Variants in UVSSA observed in about 807,000 individuals in gnomAD.
UVSSA encodes UV-stimulated scaffold protein A.
UVSSA carries 72 observed loss-of-function variants against 73.9 expected under a neutral mutation model. That is an observed-to-expected ratio of 0.97 (90% confidence interval 0.81 to 1.19). UVSSA has a LOEUF of 1.19. Ranked by LOEUF, UVSSA falls within the 50% of genes most tolerant of loss-of-function variation. The pLI is 0.00. For synonymous variants in UVSSA, 454 were observed against 391.3 expected, an observed-to-expected ratio of 1.16 and a Z score of -1.89; for missense variants, 1,150 against 965.0, an observed-to-expected ratio of 1.19 and a Z score of -2.54.
chr4:1,375,246 G>A (rs1215972860), intron 8 of UVSSA, 118 bp from the exon 9 acceptor site: 1 of 1,507,462 alleles, frequency 6.6e-7, no homozygotes, highest in Non-Finnish European at 9.0e-7. Flanking sequence ...ACCCACCTCG[G>A]GACTGTTGGA....
intron 7 of UVSSA, among the ~76,000 whole-genome samples, chr4:1,361,526 T>A (rs1716624506): frequency 6.6e-6 from 1 of 152,256 alleles, no homozygotes; most frequent in Non-Finnish European, 1.5e-5. Context: ...GTCCAGCAGG[T>A]TCTGCTCGGC....
chr4:1,348,728 T>C (rs1379178758), intron 2 of UVSSA, among the ~76,000 whole-genome samples: 1 of 152,162 alleles, frequency 6.6e-6, no homozygotes, highest in East Asian at 1.9e-4. Flanking sequence ...GTTTGTAAAA[T>C]GGCAGTTTAT....
chr4:1,395,105 G>T, exon 14 of UVSSA: 1 of 1,316,012 alleles, frequency 7.6e-7, no homozygotes, highest in Non-Finnish European at 1.1e-6. Context: ...TGGAGTGCTC[G>T]CCTGCTCACA....
At chr4:1,367,223 T>A (rs7688922) in intron 8 of UVSSA, among the ~76,000 whole-genome samples, 14 of 151,994 alleles carry the variant, frequency 9.2e-5, no homozygotes, top group Non-Finnish European at 2.1e-4. Flanking sequence ...CTCCCAAAAC[T>A]GCGTTCCAGT....
At chr4:1,360,126 C>G (rs904061075) in intron 7 of UVSSA, among the ~76,000 whole-genome samples, 3 of 152,246 alleles carry the variant, frequency 2.0e-5, no homozygotes, top group African/African-American at 7.2e-5. Context: ...GCCCCTCCAT[C>G]ACGCCGAAGG....
chr4:1,349,486 G>A (rs766347767), intron 2 of UVSSA, 38 bp from the exon 3 acceptor site: 13 of 1,590,960 alleles, frequency 8.2e-6, no homozygotes, highest in Middle Eastern at 2.0e-4. Flanking sequence ...CATCCTCTGC[G>A]TGTGGGGCAG....
chr4:1,384,348 C>T lies in UVSSA; in HGVS notation c.2036+408C>T, dbSNP rs374439042. Reference sequence around the variant, plus strand: ...TCAGGGAGGGCGATGACTGCAAAGGCGGGCAGAACGGGGGTCCACGCGTCA... The same window carrying T: ...TCAGGGAGGGCGATGACTGCAAAGGTGGGCAGAACGGGGGTCCACGCGTCA... On this transcript the variant is annotated intron_variant, in intron 13 of 13. Coordinates refer to ENST00000389851, the MANE Select transcript of UVSSA (RefSeq NM_020894.4). The T allele has an allele frequency of 2.4e-4, 48 of 196,664 alleles. 3 individuals are homozygous for T. The South Asian group carries it at 2.9e-3, about 12-fold the overall frequency. The allele number at this position is 196,664 out of a possible 1,614,324, so 12.2% of individuals were successfully genotyped here. A position where few individuals can be genotyped will look rare whatever the true frequency, so the allele number is the denominator to read the frequency against.
Position 1,386,039 on chromosome 4 carries a change from C to T in UVSSA, c.*78C>T. The T allele has an allele frequency of 6.9e-7, 1 of 1,438,880 alleles. No individual in the cohort carries two copies. Among genetic ancestry groups the T allele is most frequent in the Non-Finnish European group, 9.8e-7 (1 of 1,022,892 alleles). The allele number at this position is 1,438,880 out of a possible 1,614,324, so 89.1% of individuals were successfully genotyped here. A position where few individuals can be genotyped will look rare whatever the true frequency, so the allele number is the denominator to read the frequency against. On this transcript the variant is annotated 3_prime_UTR_variant, in exon 14 of 14. Transcript: ENST00000389851. ...TCAGGACAGCAGAGTGGGCGTGGGT[C>T]TGGGCAGTAACCATGCTTTGTCTAT...
chr4:1,380,896 A>C lies in UVSSA; in HGVS notation c.1769A>C (p.Lys590Thr), dbSNP rs780061895. 3.0e-5 allele frequency: 48 copies of C among 1,612,860 alleles called. No homozygotes were observed. The Middle Eastern group carries it at 6.6e-4, about 22-fold the overall frequency. ...QDRLKCPFHG[K>T]IVPRDDEGRP... ...GCTGTGCAGTGCCCTTTCCATGGGA[A>C]GATTGTTCCACGGGACGACGAAGGA... Residue 590 changes from lysine (K) to threonine (T), a missense_variant, in exon 12 of 14, where the codon AAG becomes ACG. Coordinates refer to ENST00000389851, the MANE Select transcript of UVSSA (RefSeq NM_020894.4).
intron 7 of UVSSA, among the ~76,000 whole-genome samples, chr4:1,365,868 CAG>C (rs902848214): frequency 4.6e-5 from 7 of 151,690 alleles, no homozygotes; most frequent in African/African-American, 1.2e-4. Context: ...CCCTAAGCCT[CAG>C]GGGCACCGCA....
Position 1,383,802 on chromosome 4 carries a change from C to A in UVSSA, c.1898C>A (p.Ala633Glu), listed in dbSNP as rs1245243751. The part of the protein sequence containing the change: ...QDPELMRDVE[A>E]ATGQDLGSSR... ...CCTGAGTTGATGAGAGACGTGGAAG[C>A]AGCCACAGGGCAGGATCTCGGCTCA... The change falls in exon 13 of 14, where the codon GCA (alanine) becomes GAA (glutamate). Residue 633 changes from alanine to glutamate, a missense_variant. Coordinates refer to ENST00000389851, the MANE Select transcript of UVSSA (RefSeq NM_020894.4). The A allele has an allele frequency of 3.1e-6, 5 of 1,613,528 alleles. No homozygotes were observed. The highest frequency in any genetic ancestry group is 4.2e-6 in the Non-Finnish European group (5 of 1,180,020).
intron 8 of UVSSA, among the ~76,000 whole-genome samples, chr4:1,370,113 T>C (rs935153387): frequency 2.6e-5 from 4 of 152,260 alleles, no homozygotes; most frequent in African/African-American, 9.6e-5. Context: ...CCCATCTTTT[T>C]AATGGTTTAA....
chr4:1,372,994 C>A (rs1218711426), intron 8 of UVSSA, among the ~76,000 whole-genome samples: 1 of 152,110 alleles, frequency 6.6e-6, no homozygotes, highest in Admixed American at 6.6e-5. Flanking sequence ...CAAAGCGGAC[C>A]TCACCATGGC....
chr4:1,356,336 G>T (rs1057502664), intron 7 of UVSSA, among the ~76,000 whole-genome samples: 3 of 152,140 alleles, frequency 2.0e-5, no homozygotes, highest in Non-Finnish European at 4.4e-5. Flanking sequence ...TTTTCCCCAG[G>T]TCAGTGGCCC....
chr4:1,347,025 AG>A (rs1214221582), upstream of UVSSA, among the ~76,000 whole-genome samples: 7 of 152,052 alleles, frequency 4.6e-5, no homozygotes, highest in South Asian at 2.1e-4. Flanking sequence ...GGCACGTGCT[AG>A]GGGGCGGGGC....
chr4:1,394,435 GT>G, exon 14 of UVSSA: 1 of 1,600,758 alleles, frequency 6.2e-7, no homozygotes, highest in Non-Finnish European at 8.5e-7. Flanking sequence ...TCTACTTCTA[GT>G]TTTTGATACA....
chr4:1,354,605 G>A (rs938467224), intron 5 of UVSSA, 130 bp from the exon 6 acceptor site: 56 of 707,372 alleles, frequency 7.9e-5, no homozygotes, highest in Middle Eastern at 3.3e-4. Context: ...TGGGATTCCC[G>A]GGGGCAGGCA....
At chr4:1,347,799 G>A in intron 1 of UVSSA, 39 bp downstream of exon 1, 1 of 339,732 alleles carries the variant, frequency 2.9e-6, no homozygotes, top group Non-Finnish European at 5.5e-6. Context: ...TTGGGGAAAA[G>A]CTGATTCGGA....
At chr4:1,394,840 G>GC (rs779440264) in exon 14 of UVSSA, 1 of 1,593,864 alleles carries the variant, frequency 6.3e-7, no homozygotes. Context: ...CTGCTCACGT[G>GC]CCCATGTGGA....
Sources: allele counts gnomAD v4.1 joint callset (sites outside exome capture counted in the v4.1 genomes callset), GRCh38; gene constraint gnomAD v4.1.1; transcripts MANE v1.5; gene names NCBI Gene and HGNC (gene_info 2026-07-23, HGNC 2026-07-21).